Variants in DLGAP2 observed in about 807,000 individuals in gnomAD.
DLGAP2 encodes DLG associated protein 2, also known as disks large-associated protein 2.
DLGAP2 carries 26 observed loss-of-function variants against 100.3 expected under a neutral mutation model. The observed-to-expected ratio is 0.26, with a 90% CI of 0.19 to 0.36. DLGAP2 has a LOEUF of 0.36. DLGAP2 is among the 10% of genes least tolerant of loss of function. DLGAP2 has a pLI of 1.00. For synonymous variants in DLGAP2, 886 were observed against 630.1 expected (o/e 1.41, Z -6.08); for missense variants, 1,858 against 1,453.2 (o/e 1.28, Z -4.53).
chr8:1,621,734 G>T (rs1028382712), intron 6 of DLGAP2: 2 of 152,084 alleles, frequency 1.3e-5, no homozygotes, highest in African/African-American at 4.8e-5. Flanking sequence ...TGCGGTCAAG[G>T]GTATCGCATT....
intron 1 of DLGAP2, among the ~76,000 whole-genome samples, chr8:786,627 C>T (rs1319562028): frequency 6.6e-6 from 1 of 152,004 alleles, no homozygotes; most frequent in Admixed American, 6.6e-5. Flanking sequence ...TCGGGAGAGA[C>T]GGGCGCTGCC....
chr8:1,025,829 C>G (rs532723294), intron 2 of DLGAP2, among the ~76,000 whole-genome samples: 1 of 152,280 alleles, frequency 6.6e-6, no homozygotes, highest in Non-Finnish European at 1.5e-5. Context: ...GAGTTTCCAG[C>G]TGTGAGCATG....
chr8:903,955 T>C (rs545143497), intron 1 of DLGAP2, among the ~76,000 whole-genome samples: 5 of 152,306 alleles, frequency 3.3e-5, no homozygotes, highest in Admixed American at 1.3e-4. Flanking sequence ...ACGGGAGGCA[T>C]CAGGGAGGGT....
chr8:1,204,149 C>A (rs1017292018), intron 2 of DLGAP2, among the ~76,000 whole-genome samples: 1 of 152,238 alleles, frequency 6.6e-6, no homozygotes, highest in Non-Finnish European at 1.5e-5. Context: ...TGCCGGTCCA[C>A]AGACCAGAGT....
chr8:1,417,692 G>GGGGCAAGGGGA (rs1554464154), intron 3 of DLGAP2, among the ~76,000 whole-genome samples: 1 of 69,680 alleles, frequency 1.4e-5, no homozygotes, highest in Non-Finnish European at 3.5e-5. Context: ...GGGGCACAGG[G>GGGGCAAGGGGA]GGCCCCACTC....
At chr8:1,318,058 AGACAC>A (rs1800805973) in intron 3 of DLGAP2, among the ~76,000 whole-genome samples, 1 of 32,976 alleles carries the variant, frequency 3.0e-5, no homozygotes, top group Non-Finnish European at 5.2e-5. Context: ...TCTACACTCG[AGACAC>A]TCGTCAGTGT....
intron 3 of DLGAP2, among the ~76,000 whole-genome samples, chr8:1,467,201 C>T (rs949483581): frequency 4.6e-5 from 7 of 152,170 alleles, no homozygotes; most frequent in South Asian, 4.2e-4. Context: ...GGTCTCTCAT[C>T]GTCATGCATG....
chr8:1,459,960 A>G (rs950821599), intron 3 of DLGAP2, among the ~76,000 whole-genome samples: 1 of 152,182 alleles, frequency 6.6e-6, no homozygotes, highest in South Asian at 2.1e-4. Flanking sequence ...GGCAAAAAGT[A>G]CTCACAGAGG....
intron 2 of DLGAP2, among the ~76,000 whole-genome samples, chr8:1,159,141 C>G (rs1424734766): frequency 1.3e-5 from 2 of 152,114 alleles, no homozygotes; most frequent in Non-Finnish European, 2.9e-5. Flanking sequence ...TTGTGTGATC[C>G]TTGGAAAGAT....
intron 3 of DLGAP2, among the ~76,000 whole-genome samples, chr8:1,408,082 G>A (rs1364808915): frequency 6.6e-6 from 1 of 152,244 alleles, no homozygotes; most frequent in African/African-American, 2.4e-5. Flanking sequence ...CCAGGGGATA[G>A]AATCGTCTCC....
intron 2 of DLGAP2, among the ~76,000 whole-genome samples, chr8:1,214,732 G>A (rs1798177992): frequency 6.6e-6 from 1 of 152,232 alleles, no homozygotes; most frequent in Admixed American, 6.5e-5. Context: ...CACAGCAGGT[G>A]TGCCTTAAGT....
At chr8:1,048,255 T>G (rs774830174) in intron 2 of DLGAP2, among the ~76,000 whole-genome samples, 2 of 152,094 alleles carry the variant, frequency 1.3e-5, no homozygotes, top group Admixed American at 6.6e-5. Flanking sequence ...CCAGCCTCAG[T>G]CCTGTGAGGC....
At position 1,419,205 on chromosome 8, in the gene DLGAP2, CGTGTGTGT is replaced by C. The variant is rs59073892; in HGVS notation, c.107-82140_107-82133del. Among the ~76,000 whole-genome samples the C allele has an allele frequency of 4.5e-4, 33 of 73,804 alleles. No individual in the cohort carries two copies. The South Asian group carries it at 5.7e-3, about 13-fold the overall frequency. The allele number at this position is 73,804 out of a possible 152,430, so 48.4% of individuals were successfully genotyped here. ...ATACTGTGTTACACTCTGATGCGTGCGTGTGTGTGTGTGTGTGTGTGTGTGTGTAGGTT... is the reference window on the plus strand; with the variant it reads ...ATACTGTGTTACACTCTGATGCGTGCGTGTGTGTGTGTGTGTGTGTAGGTT... On this transcript the variant is annotated intron_variant, in intron 3 of 14. Coordinates refer to ENST00000637795, the MANE Select transcript of DLGAP2 (RefSeq NM_001346810.2).
chr8:746,544 A>C (rs1820622854), intron 1 of DLGAP2, among the ~76,000 whole-genome samples: 1 of 152,366 alleles, frequency 6.6e-6, no homozygotes, highest in South Asian at 2.1e-4. Context: ...AGGGCCGTCC[A>C]CTGTGGTCAT....
At chr8:1,219,823 C>T (rs868609304) in intron 2 of DLGAP2, among the ~76,000 whole-genome samples, 1 of 152,140 alleles carries the variant, frequency 6.6e-6, no homozygotes, top group Middle Eastern at 3.4e-3. Flanking sequence ...TCAGTTTCTT[C>T]CTGGTTCAAT....
rs1391457131 is a variant in DLGAP2, at chr8:1,349,803, C to G, written c.106+90920C>G. On this transcript the variant is annotated intron_variant, in intron 3 of 14. Coordinates refer to ENST00000637795, the MANE Select transcript of DLGAP2 (RefSeq NM_001346810.2). Reference sequence around the variant, plus strand: ...TGGTGACTTTACAGAGAAGTGCAAACTCATCAGACACCTTGAATTGCTCTA... The same window carrying G: ...TGGTGACTTTACAGAGAAGTGCAAAGTCATCAGACACCTTGAATTGCTCTA... 2.0e-5 allele frequency among the ~76,000 whole-genome samples: 3 copies of G among 152,250 alleles called. No individual in the cohort carries two copies. In the East Asian group the frequency reaches 5.8e-4, roughly 29 times the overall value.
chr8:1,514,795 CAGGAAAGGA>C (rs1255547840), intron 4 of DLGAP2, among the ~76,000 whole-genome samples: 1 of 152,182 alleles, frequency 6.6e-6, no homozygotes, highest in East Asian at 1.9e-4. Flanking sequence ...CTCAGCAGGA[CAGGAAAGGA>C]AGGCCGGCCT....
intron 2 of DLGAP2, among the ~76,000 whole-genome samples, chr8:1,003,477 C>T (rs772738790): frequency 6.6e-6 from 1 of 152,194 alleles, no homozygotes; most frequent in African/African-American, 2.4e-5. Flanking sequence ...TTTATTTGGC[C>T]AAATTGTTGT....
rs149591691 is a variant in DLGAP2, at chr8:771,522, A to G, written c.18+33697A>G. On this transcript the variant is annotated intron_variant, in intron 1 of 14. Coordinates refer to ENST00000637795, the MANE Select transcript of DLGAP2 (RefSeq NM_001346810.2). ...TCTGTCACTAAGTACTTGCTACTTAATTGTTTCACACCCAAAATTTGTGGA... is the reference window on the plus strand; with the variant it reads ...TCTGTCACTAAGTACTTGCTACTTAGTTGTTTCACACCCAAAATTTGTGGA... 5.1e-4 allele frequency among the ~76,000 whole-genome samples: 77 copies of G among 152,340 alleles called. No individual in the cohort carries two copies. In the East Asian group the frequency reaches 0.014, roughly 29 times the overall value.
Sources: gnomAD v4.1 joint callset for allele counts (sites outside exome capture counted in the v4.1 genomes callset) on GRCh38, gnomAD v4.1.1 for gene constraint, MANE v1.5 for transcripts, NCBI Gene and HGNC (gene_info 2026-07-23, HGNC 2026-07-21) for gene names.